DCDC2: variants seen among roughly 807,000 people sequenced by gnomAD.
DCDC2 encodes doublecortin domain-containing protein 2.
In DCDC2, 40 loss-of-function variants were observed where a neutral mutation model predicts 50.2. That is an observed-to-expected ratio of 0.80 (90% CI 0.62 to 1.04). The LOEUF (loss-of-function observed/expected upper bound fraction) is 1.04. DCDC2 is among the 50% of genes least tolerant of loss of function. The probability of loss-of-function intolerance (pLI) is 0.00; values close to 1 mark genes in which losing one functional copy is unlikely to be tolerated. For missense variants in DCDC2, 570 were observed against 581.9 expected (o/e 0.98, Z 0.21); for synonymous variants, 234 against 210.6 (o/e 1.11, Z -0.96).
At chr6:24,320,048 T>C (rs1759743607) in intron 2 of DCDC2, among the ~76,000 whole-genome samples, 1 of 152,184 alleles carries the variant, frequency 6.6e-6, no homozygotes, top group Non-Finnish European at 1.5e-5. Flanking sequence ...TCTTACTATA[T>C]ACTGAAGTCT....
intron 2 of DCDC2, among the ~76,000 whole-genome samples, chr6:24,323,861 C>T (rs1030830219): frequency 2.0e-5 from 3 of 152,120 alleles, no homozygotes; most frequent in African/African-American, 4.8e-5. Context: ...CTTTGTGAAG[C>T]AAGTTGAAAA....
intron 2 of DCDC2, among the ~76,000 whole-genome samples, chr6:24,336,094 T>C (rs969705066): frequency 6.6e-6 from 1 of 152,066 alleles, no homozygotes; most frequent in Non-Finnish European, 1.5e-5. Flanking sequence ...CTGTCAAAAG[T>C]TGGGGGCAGT....
intron 5 of DCDC2, 46 bp downstream of exon 5, chr6:24,290,886 T>G: frequency 6.4e-7 from 1 of 1,556,066 alleles, no homozygotes; most frequent in Non-Finnish European, 8.7e-7. Context: ...CAATGCTATT[T>G]CAAGTGGTAA....
At chr6:24,349,438 A>G (rs1049752352) in intron 2 of DCDC2, among the ~76,000 whole-genome samples, 3 of 152,240 alleles carry the variant, frequency 2.0e-5, no homozygotes, top group Admixed American at 6.5e-5. Flanking sequence ...GAGAGGAAGC[A>G]GAAATCACAT....
intron 8 of DCDC2, among the ~76,000 whole-genome samples, chr6:24,190,785 T>C (rs149620415): frequency 3.0e-4 from 46 of 152,360 alleles, no homozygotes; most frequent in Middle Eastern, 3.4e-3. Context: ...TAATGCCTAA[T>C]GTGAATATGA....
chr6:24,175,898 T>C (rs569847921), intron 9 of DCDC2, among the ~76,000 whole-genome samples: 1 of 152,312 alleles, frequency 6.6e-6, no homozygotes, highest in South Asian at 2.1e-4. Context: ...AATATACCTA[T>C]ACTAATATGT....
chr6:24,211,885 C>A (rs1390637884), intron 7 of DCDC2, among the ~76,000 whole-genome samples: 1 of 152,114 alleles, frequency 6.6e-6, no homozygotes, highest in Non-Finnish European at 1.5e-5. Flanking sequence ...GTCACAACAG[C>A]CATAGGAAAA....
intron 8 of DCDC2, among the ~76,000 whole-genome samples, chr6:24,179,668 C>A (rs1761013754): frequency 6.7e-6 from 1 of 148,388 alleles, no homozygotes; most frequent in Non-Finnish European, 1.5e-5. Flanking sequence ...CAAGAGGGAA[C>A]AGGAGGCCAG....
intron 7 of DCDC2, among the ~76,000 whole-genome samples, chr6:24,250,803 A>G (rs1762780013): frequency 6.6e-6 from 1 of 152,196 alleles, no homozygotes; most frequent in Non-Finnish European, 1.5e-5. Flanking sequence ...ACCAGGCACC[A>G]AAATTACATA....
At chr6:24,344,042 G>A (rs1760209691) in intron 2 of DCDC2, among the ~76,000 whole-genome samples, 1 of 152,090 alleles carries the variant, frequency 6.6e-6, no homozygotes, top group African/African-American at 2.4e-5. Flanking sequence ...AACATGCTAT[G>A]CAATAGATCT....
intron 4 of DCDC2, among the ~76,000 whole-genome samples, chr6:24,297,879 G>C (rs1020675522): frequency 6.6e-6 from 1 of 152,118 alleles, no homozygotes; most frequent in African/African-American, 2.4e-5. Flanking sequence ...TGATTATAAA[G>C]ATTGAAAATT....
At position 24,185,406 on chromosome 6, in the gene DCDC2, T is replaced by C. The variant is rs371995023; in HGVS notation, c.1024-6774A>G. Reference sequence around the variant, plus strand: ...AAGATTATCGTGTTGAAATGCCAATTTGATCAATTTAAATAAGACGGTAAC... The same window carrying C: ...AAGATTATCGTGTTGAAATGCCAATCTGATCAATTTAAATAAGACGGTAAC... On this transcript the variant is annotated intron_variant, in intron 8 of 9. Coordinates refer to ENST00000378454, the MANE Select transcript of DCDC2 (RefSeq NM_016356.5). Among the ~76,000 whole-genome samples the C allele has an allele frequency of 8.9e-4, 135 of 152,294 alleles. No homozygotes were observed. In the South Asian group the frequency reaches 0.027, roughly 30 times the overall value.
intron 1 of DCDC2, chr6:24,357,193 C>T: frequency 2.8e-6 from 1 of 361,010 alleles, no homozygotes; most frequent in South Asian, 1.1e-4. Flanking sequence ...GCAAGGATAC[C>T]TTTTTATTTT....
intron 6 of DCDC2, among the ~76,000 whole-genome samples, chr6:24,280,866 A>C (rs988590485): frequency 3.0e-4 from 45 of 152,280 alleles, no homozygotes; most frequent in Admixed American, 5.9e-4. Flanking sequence ...AAAGCTTTAG[A>C]TGAGAAGATC....
intron 2 of DCDC2, among the ~76,000 whole-genome samples, chr6:24,323,248 A>G (rs1310938185): frequency 6.6e-6 from 1 of 152,200 alleles, no homozygotes; most frequent in African/African-American, 2.4e-5. Context: ...TGTCAAGGTC[A>G]TGAAAGACTG....
At chr6:24,225,116 G>C (rs573630955) in intron 7 of DCDC2, among the ~76,000 whole-genome samples, 1 of 152,058 alleles carries the variant, frequency 6.6e-6, no homozygotes, top group Non-Finnish European at 1.5e-5. Flanking sequence ...CTCCAATTTG[G>C]GGGTCCCTCC....
intron 7 of DCDC2, among the ~76,000 whole-genome samples, chr6:24,207,473 T>C (rs1367362019): frequency 2.6e-5 from 4 of 152,188 alleles, no homozygotes; most frequent in Admixed American, 6.6e-5. Flanking sequence ...CAATAATGAA[T>C]AGTGCAAAAT....
At chr6:24,180,556 G>C (rs746972538) in intron 8 of DCDC2, among the ~76,000 whole-genome samples, 1 of 152,068 alleles carries the variant, frequency 6.6e-6, no homozygotes, top group Non-Finnish European at 1.5e-5. Flanking sequence ...CCAAAGTGCT[G>C]GGATTACAGG....
At chr6:24,177,062 T>C (rs764667176) in intron 9 of DCDC2, among the ~76,000 whole-genome samples, 1 of 152,216 alleles carries the variant, frequency 6.6e-6, no homozygotes, top group Non-Finnish European at 1.5e-5. Flanking sequence ...TGTTGGATCT[T>C]ACTATCTAGT....
Sources: allele counts gnomAD v4.1 joint callset (sites outside exome capture counted in the v4.1 genomes callset), GRCh38; gene constraint gnomAD v4.1.1; transcripts MANE v1.5; gene names NCBI Gene and HGNC (gene_info 2026-07-23, HGNC 2026-07-21).